PKP2: variants seen among roughly 807,000 people sequenced by gnomAD.
PKP2 encodes the protein plakophilin 2, also known as plakophilin-2.
A neutral mutation model predicts 83.4 loss-of-function variants in PKP2; 73 were observed. That is an observed-to-expected ratio of 0.88 (90% CI 0.72 to 1.06). PKP2 has a LOEUF of 1.06. PKP2 is among the 50% of genes least tolerant of loss of function. The probability of loss-of-function intolerance (pLI) is 0.00; values close to 1 mark genes in which losing one functional copy is unlikely to be tolerated. For missense variants in PKP2, 966 were observed against 1,065.4 expected, an observed-to-expected ratio of 0.91 and a Z score of 1.30; for synonymous variants, 409 against 430.4, an observed-to-expected ratio of 0.95 and a Z score of 0.62.
At chr12:32,885,234 C>T (rs1023712358) in intron 1 of PKP2, among the ~76,000 whole-genome samples, 2 of 152,172 alleles carry the variant, frequency 1.3e-5, no homozygotes, top group African/African-American at 4.8e-5. Context: ...GTAATTTTCT[C>T]CCTTTCCCAA....
chr12:32,889,990 G>A (rs746903115), intron 1 of PKP2, among the ~76,000 whole-genome samples: 2 of 144,616 alleles, frequency 1.4e-5, no homozygotes, highest in African/African-American at 2.6e-5. Context: ...CAGGAGAATC[G>A]CTTGAACCCG....
At chr12:32,833,099 T>C (rs1258214613) in intron 6 of PKP2, among the ~76,000 whole-genome samples, 2 of 151,994 alleles carry the variant, frequency 1.3e-5, no homozygotes, top group African/African-American at 4.8e-5. Flanking sequence ...GAAAACCAGC[T>C]GGGCGAGGTG....
chr12:32,794,652 C>T (rs980708385), intron 11 of PKP2, among the ~76,000 whole-genome samples: 2 of 152,200 alleles, frequency 1.3e-5, no homozygotes, highest in African/African-American at 2.4e-5. Context: ...TACTATCTTA[C>T]GGTGATTTGC....
chr12:32,892,781 C>A (rs1202569675), intron 1 of PKP2, among the ~76,000 whole-genome samples: 2 of 122,734 alleles, frequency 1.6e-5, no homozygotes, highest in Admixed American at 2.3e-4. Context: ...CAATTTAAAA[C>A]ACAATTTTCT....
chr12:32,830,514 C>T (rs1369856454), intron 6 of PKP2, among the ~76,000 whole-genome samples: 1 of 152,188 alleles, frequency 6.6e-6, no homozygotes, highest in Admixed American at 6.5e-5. Flanking sequence ...CATCTTGGTC[C>T]TACGGGGATA....
chr12:32,859,030 T>C (rs181093680), intron 4 of PKP2, among the ~76,000 whole-genome samples: 1 of 152,338 alleles, frequency 6.6e-6, no homozygotes, highest in Admixed American at 6.5e-5. Flanking sequence ...ATTTGAGCCT[T>C]TGCACTTCTA....
intron 11 of PKP2, among the ~76,000 whole-genome samples, chr12:32,795,728 T>C (rs747415826): frequency 6.6e-6 from 1 of 152,158 alleles, no homozygotes; most frequent in Non-Finnish European, 1.5e-5. Flanking sequence ...CCTCCTAAGA[T>C]GGAAGTGAGG....
At chr12:32,801,802 G>T (rs74072937) in intron 10 of PKP2, among the ~76,000 whole-genome samples, 9,363 of 151,662 alleles carry the variant, frequency 0.062, 737 homozygotes, top group African/African-American at 0.19. Flanking sequence ...AAATAAAAAA[G>T]TACCGTTATC....
chr12:32,856,183 T>C (rs1431972971), intron 4 of PKP2, among the ~76,000 whole-genome samples: 1 of 152,184 alleles, frequency 6.6e-6, no homozygotes, highest in African/African-American at 2.4e-5. Flanking sequence ...ACTTCAGTGA[T>C]GAGATATGAA....
At position 32,821,453 on chromosome 12, in the gene PKP2, A is replaced by G. The variant is rs1956376395; in HGVS notation, c.1916T>C (p.Ile639Thr). 5 of 1,613,974 alleles carry G rather than the reference A, an allele frequency of 3.1e-6. No individual in the cohort carries two copies. Among genetic ancestry groups the G allele is most frequent in the Admixed American group, 1.7e-5 (1 of 60,004 alleles). ...GGCGATCAAGGACAGATACATCCTTATAACAATGGAATGCCACAGCCACTC... is the reference window on the plus strand; with the variant it reads ...GGCGATCAAGGACAGATACATCCTTGTAACAATGGAATGCCACAGCCACTC... ...GVEWLWHSIV[I>T]RMYLSLIAKS... The change falls in exon 9 of 13, where the codon ATA (isoleucine) becomes ACA (threonine). Residue 639 changes from isoleucine to threonine, a missense_variant. By Grantham distance (89) the Ile-to-Thr change is moderately conservative. Transcript: ENST00000340811.
intron 1 of PKP2, among the ~76,000 whole-genome samples, chr12:32,882,328 G>A (rs933365710): frequency 2.0e-5 from 3 of 152,088 alleles, no homozygotes. Context: ...AAAACGGCAG[G>A]TGATGAAAGC....
At chr12:32,883,605 T>C (rs1957004570) in intron 1 of PKP2, among the ~76,000 whole-genome samples, 1 of 152,214 alleles carries the variant, frequency 6.6e-6, no homozygotes, top group Non-Finnish European at 1.5e-5. Flanking sequence ...CCAGATTTTC[T>C]TACACTGAAA....
At chr12:32,881,676 C>T (rs1382998682) in intron 1 of PKP2, among the ~76,000 whole-genome samples, 7 of 152,188 alleles carry the variant, frequency 4.6e-5, no homozygotes, top group South Asian at 2.1e-4. Context: ...TTTTTTCAGA[C>T]GGAGTTTCGC....
At chr12:32,817,904 C>T (rs1389457253) in intron 9 of PKP2, among the ~76,000 whole-genome samples, 2 of 152,168 alleles carry the variant, frequency 1.3e-5, no homozygotes, top group African/African-American at 2.4e-5. Flanking sequence ...GCTCCACTTC[C>T]TGTCAGATCC....
intron 2 of PKP2, 88 bp from the exon 3 acceptor site, chr12:32,878,631 C>A: frequency 2.8e-6 from 3 of 1,058,868 alleles, no homozygotes; most frequent in Non-Finnish European, 4.2e-6. Context: ...TATTACCCAA[C>A]ATGTCCGTTT....
intron 5 of PKP2, among the ~76,000 whole-genome samples, chr12:32,842,955 G>A (rs934873855): frequency 6.6e-6 from 1 of 151,310 alleles, no homozygotes; most frequent in Non-Finnish European, 1.5e-5. Context: ...TTACAGGCGT[G>A]AGCCACTGTG....
At chr12:32,831,292 T>C (rs958089446) in intron 6 of PKP2, among the ~76,000 whole-genome samples, 5 of 152,312 alleles carry the variant, frequency 3.3e-5, no homozygotes, top group African/African-American at 9.6e-5. Context: ...TCAGTTGCTT[T>C]ATCCTGATGT....
chr12:32,825,378 G>A (rs759077835), intron 6 of PKP2, among the ~76,000 whole-genome samples: 12 of 151,766 alleles, frequency 7.9e-5, no homozygotes, highest in South Asian at 4.2e-4. Context: ...CATGTTGGTT[G>A]GCCAGGATGG....
intron 5 of PKP2, among the ~76,000 whole-genome samples, chr12:32,846,688 T>C (rs959872563): frequency 2.1e-5 from 3 of 145,344 alleles, no homozygotes; most frequent in Non-Finnish European, 4.5e-5. Context: ...GAGGTTGCAG[T>C]GAGCCAAGAC....
Sources: gnomAD v4.1 joint callset for allele counts (sites outside exome capture counted in the v4.1 genomes callset) on GRCh38, gnomAD v4.1.1 for gene constraint, MANE v1.5 for transcripts, NCBI Gene and HGNC (gene_info 2026-07-23, HGNC 2026-07-21) for gene names.